Variants in SHISA9 observed in about 807,000 individuals in gnomAD.
SHISA9 encodes the protein shisa family member 9, also known as protein shisa-9.
SHISA9 carries 13 observed loss-of-function variants against 38.0 expected under a neutral mutation model. The ratio of observed to expected loss-of-function variants is 0.34; its 90% confidence interval spans 0.22 to 0.54. The LOEUF (loss-of-function observed/expected upper bound fraction) is 0.54, where lower values mean the gene tolerates loss of function less well. Ranked by LOEUF, SHISA9 falls within the 20% of genes least tolerant of loss-of-function variation. SHISA9 has a pLI of 0.91. For synonymous variants in SHISA9, 275 were observed against 242.0 expected, an observed-to-expected ratio of 1.14 and a Z score of -1.27; for missense variants, 538 against 575.8, an observed-to-expected ratio of 0.93 and a Z score of 0.67.
At chr16:13,273,484 AG>A in the SHISA9 span, among the ~76,000 whole-genome samples, 1 of 152,164 alleles carries the variant, frequency 6.6e-6, no homozygotes, top group Admixed American at 6.6e-5. Context: ...TCCCAGCACA[AG>A]CTCTCTCTCT....
At chr16:13,316,016 A>T in the SHISA9 span, among the ~76,000 whole-genome samples, 4 of 141,242 alleles carry the variant, frequency 2.8e-5, no homozygotes, top group East Asian at 2.0e-4. Flanking sequence ...CATTACAATT[A>T]AAAAAAAAAA....
chr16:13,105,759 C>T (rs1056744112), intron 2 of SHISA9, among the ~76,000 whole-genome samples: 19 of 152,182 alleles, frequency 1.2e-4, no homozygotes, highest in African/African-American at 4.6e-4. Context: ...TGACAGACTC[C>T]ATCCTTATAG....
intron 2 of SHISA9, among the ~76,000 whole-genome samples, chr16:13,175,680 T>C (rs1170742127): frequency 6.6e-6 from 1 of 152,256 alleles, no homozygotes; most frequent in African/African-American, 2.4e-5. Flanking sequence ...TTTCTCTGCA[T>C]GGGCACGGTG....
intron 2 of SHISA9, among the ~76,000 whole-genome samples, chr16:13,100,024 G>C (rs1375925421): frequency 6.6e-6 from 1 of 152,152 alleles, no homozygotes. Context: ...CAGGAGGTCT[G>C]GGGACTGTAG....
At chr16:13,027,073 T>C (rs1248433427) in intron 2 of SHISA9, among the ~76,000 whole-genome samples, 1 of 152,194 alleles carries the variant, frequency 6.6e-6, no homozygotes, top group Admixed American at 6.5e-5. Context: ...TCTTTTGGGG[T>C]ATAGCCCATT....
intron 2 of SHISA9, among the ~76,000 whole-genome samples, chr16:13,141,044 A>G (rs922509050): frequency 6.6e-6 from 1 of 152,202 alleles, no homozygotes; most frequent in Non-Finnish European, 1.5e-5. Context: ...GTAGAACAAC[A>G]GTGAAGCCTT....
intron 2 of SHISA9, among the ~76,000 whole-genome samples, chr16:13,062,204 C>G (rs967156009): frequency 4.0e-5 from 6 of 151,862 alleles, no homozygotes; most frequent in African/African-American, 1.5e-4. Context: ...AAAAAAAATC[C>G]ATTGTTTATC....
At chr16:13,189,010 C>T (rs2050857122) in intron 2 of SHISA9, among the ~76,000 whole-genome samples, 1 of 152,024 alleles carries the variant, frequency 6.6e-6, no homozygotes, top group African/African-American at 2.4e-5. Context: ...GCAGAGATCC[C>T]CAAGCCAAGA....
At chr16:13,063,435 A>G (rs1056385315) in intron 2 of SHISA9, among the ~76,000 whole-genome samples, 1 of 152,130 alleles carries the variant, frequency 6.6e-6, no homozygotes, top group African/African-American at 2.4e-5. Context: ...CACAAAGTAC[A>G]CAAAGCATGT....
chr16:13,434,419 G>GTTTTTTTTTTTTGTT, the SHISA9 span, among the ~76,000 whole-genome samples: 2 of 64,566 alleles, frequency 3.1e-5, 1 homozygote, highest in Non-Finnish European at 6.4e-5. Context: ...GACAAGCTAT[G>GTTTTTTTTTTTTGTT]TTTTTTTTTT....
At chr16:13,117,738 G>A (rs2074044912) in intron 2 of SHISA9, among the ~76,000 whole-genome samples, 1 of 152,196 alleles carries the variant, frequency 6.6e-6, no homozygotes, top group African/African-American at 2.4e-5. Context: ...CTGGCCTCCA[G>A]AACTGAGAGG....
chr16:13,187,678 G>A (rs6498389), intron 2 of SHISA9, among the ~76,000 whole-genome samples: 22,007 of 152,060 alleles, frequency 0.14, 1,877 homozygotes, highest in African/African-American at 0.22. Flanking sequence ...TAAGACTGAT[G>A]ATAGTGACCT....
chr16:13,534,214 C>A, the SHISA9 span, among the ~76,000 whole-genome samples: 522 of 148,238 alleles, frequency 3.5e-3, no homozygotes, highest in Non-Finnish European at 5.9e-3. Flanking sequence ...CTCTTATCCA[C>A]ACCATTTCAC....
chr16:13,027,927 CAAAAACA>C (rs1385431897), intron 2 of SHISA9, among the ~76,000 whole-genome samples: 1 of 29,402 alleles, frequency 3.4e-5, no homozygotes, highest in Non-Finnish European at 6.2e-5. Flanking sequence ...AGCTCTGTCT[CAAAAACA>C]AAAAAAAAAA....
At chr16:13,451,842 G>C in the SHISA9 span, among the ~76,000 whole-genome samples, 1 of 152,338 alleles carries the variant, frequency 6.6e-6, no homozygotes, top group South Asian at 2.1e-4. Flanking sequence ...GGAGGTCTTT[G>C]CCCTGTGCAT....
rs115823864 is a variant in SHISA9 at position 12,919,079 on chromosome 16, A to G, written c.691+2264A>G. ...AACATTTGTATGTTCAGATGAACAG[A>G]TGATTTGAGGAGTGCATTGAGAGAA... On this transcript the variant is annotated intron_variant, in intron 2 of 4. Transcript: ENST00000558583. 8.8e-3 allele frequency among the ~76,000 whole-genome samples: 1,346 copies of G among 152,316 alleles called. 15 individuals are homozygous for G. Among genetic ancestry groups the G allele is most frequent in the African/African-American group, 0.031 (1,285 of 41,568 alleles).
chr16:13,056,081 G>T (rs2073306175), intron 2 of SHISA9, among the ~76,000 whole-genome samples: 2 of 152,216 alleles, frequency 1.3e-5, no homozygotes, highest in African/African-American at 4.8e-5. Flanking sequence ...ATGGACCTCT[G>T]AGGGCACAGT....
At chr16:13,193,247 A>G (rs1261505185) in intron 2 of SHISA9, among the ~76,000 whole-genome samples, 2 of 152,220 alleles carry the variant, frequency 1.3e-5, no homozygotes, top group Non-Finnish European at 2.9e-5. Flanking sequence ...TTGGGCACTC[A>G]ACCTCTCTGA....
the SHISA9 span, among the ~76,000 whole-genome samples, chr16:13,371,262 G>C: frequency 6.6e-6 from 1 of 152,276 alleles, no homozygotes; most frequent in African/African-American, 2.4e-5. Flanking sequence ...TCAGTCTGCA[G>C]ACATTTACTC....
Sources: gnomAD v4.1 joint callset for allele counts (sites outside exome capture counted in the v4.1 genomes callset) on GRCh38, gnomAD v4.1.1 for gene constraint, MANE v1.5 for transcripts, NCBI Gene and HGNC (gene_info 2026-07-23, HGNC 2026-07-21) for gene names.